KCNJ10: variants seen among roughly 807,000 people sequenced by gnomAD.
The protein encoded by KCNJ10 is potassium inwardly rectifying channel subfamily J member 10.
In KCNJ10, 9 loss-of-function variants were observed where a neutral mutation model predicts 22.2. The observed-to-expected ratio is 0.40, with a 90% CI of 0.24 to 0.71. The LOEUF (loss-of-function observed/expected upper bound fraction) is 0.71. KCNJ10 is among the 30% of genes least tolerant of loss of function. The pLI, the probability that KCNJ10 is intolerant of heterozygous loss-of-function variation, is 0.35. For synonymous variants in KCNJ10, 184 were observed against 187.3 expected (o/e 0.98, Z 0.15); for missense variants, 337 against 482.7 (o/e 0.70, Z 2.83).
chr1:160,054,718 C>A (rs1177827243), intron 1 of KCNJ10, among the ~76,000 whole-genome samples: 1 of 151,888 alleles, frequency 6.6e-6, no homozygotes, highest in Non-Finnish European at 1.5e-5. Flanking sequence ...CTGGCCTAGG[C>A]CCCGAGATTC....
chr1:160,064,061 C>G (rs1012638488), intron 1 of KCNJ10, among the ~76,000 whole-genome samples: 1 of 152,216 alleles, frequency 6.6e-6, no homozygotes, highest in Non-Finnish European at 1.5e-5. Flanking sequence ...ACCACTACCC[C>G]ATACTACCTC....
At chr1:160,065,358 G>A (rs146050974) in intron 1 of KCNJ10, among the ~76,000 whole-genome samples, 2 of 152,274 alleles carry the variant, frequency 1.3e-5, no homozygotes, top group East Asian at 3.9e-4. Context: ...GTCTTAGGAG[G>A]CAGGCCCTTT....
At chr1:160,050,377 C>A (rs1433124834) in intron 1 of KCNJ10, among the ~76,000 whole-genome samples, 1 of 151,968 alleles carries the variant, frequency 6.6e-6, no homozygotes. Flanking sequence ...AAGCCATCCT[C>A]CCACCTCAGC....
chr1:160,065,765 C>G (rs1005633332), intron 1 of KCNJ10, among the ~76,000 whole-genome samples: 3 of 152,062 alleles, frequency 2.0e-5, no homozygotes, highest in Admixed American at 6.5e-5. Flanking sequence ...AAATTTTTAT[C>G]CAATGCCAAC....
At position 160,041,406 on chromosome 1, in the gene KCNJ10, A is replaced by T; in HGVS notation, c.1127T>A (p.Ile376Asn). The T allele has an allele frequency of 6.2e-7, 1 of 1,612,900 alleles. No individual in the cohort carries two copies. Among genetic ancestry groups the T allele is most frequent in the South Asian group, 1.1e-5 (1 of 90,902 alleles). Reference protein sequence around the residue: ...EKEGSALSVRISNV With the variant: ...EKEGSALSVRNSNV The stretch of plus-strand genomic sequence containing the variant: ...GGGAACAGGTCATCAGACATTGCTG[A>T]TGCGCACACTAAGGGCACTGCCCTC... Residue 376 changes from isoleucine to asparagine, a missense_variant, in exon 2 of 2, where the codon ATC becomes AAC. This residue lies in a region of KCNJ10 where 65 missense variants were observed against 66.0 expected (regional missense o/e 0.98). Transcript: ENST00000644903. This position sits in a 1 kb window ranked among gnomAD's most constrained non-coding sequence, Gnocchi z 4.4.
intron 1 of KCNJ10, among the ~76,000 whole-genome samples, chr1:160,053,758 A>C (rs934874558): frequency 6.6e-6 from 1 of 152,106 alleles, no homozygotes; most frequent in Admixed American, 6.5e-5. Context: ...ATGGAAGAAT[A>C]GGCTTTTCTT....
intron 1 of KCNJ10, among the ~76,000 whole-genome samples, chr1:160,051,631 C>T (rs1648907357): frequency 6.6e-6 from 1 of 152,076 alleles, no homozygotes; most frequent in Non-Finnish European, 1.5e-5. Flanking sequence ...TTAGCAGGAG[C>T]CAGACAGGTA....
chr1:160,062,677 C>G (rs1478389761), intron 1 of KCNJ10: 4 of 152,174 alleles, frequency 2.6e-5, no homozygotes, highest in Admixed American at 2.6e-4. Context: ...CCCCTTGGTC[C>G]CAGGCTGGGC....
At position 160,042,299 on chromosome 1, in the gene KCNJ10, TGTGCCTGCAAAG is replaced by T; in HGVS notation, c.222_233del (p.Phe75_Thr78del). ...ACCACACCACGCCAAAGAGGAACCA[TGTGCCTGCAAAG>T]GTCGCAGAGAAGAGCAGAAGCTTGT... On this transcript the variant is annotated inframe_deletion, in exon 2 of 2. Transcript: ENST00000644903. 6.2e-7 allele frequency: 1 copy of T among 1,613,790 alleles called. No homozygotes were observed. The highest frequency in any genetic ancestry group is 2.2e-5 in the East Asian group (1 of 44,874).
At chr1:160,043,676 C>T (rs978445203) in intron 1 of KCNJ10, among the ~76,000 whole-genome samples, 3 of 152,176 alleles carry the variant, frequency 2.0e-5, no homozygotes, top group South Asian at 2.1e-4. Flanking sequence ...ATTGTTTTGA[C>T]AGAATGAAGT....
intron 1 of KCNJ10, among the ~76,000 whole-genome samples, chr1:160,050,710 G>A (rs1648881517): frequency 6.6e-6 from 1 of 152,110 alleles, no homozygotes; most frequent in Non-Finnish European, 1.5e-5. Context: ...AGGAAATAAG[G>A]ATCCATTCAT....
Position 160,041,851 on chromosome 1 carries a change from T to C in KCNJ10, c.682A>G (p.Asn228Asp). The C allele has an allele frequency of 6.2e-7, 1 of 1,614,212 alleles. No individual in the cohort carries two copies. The highest frequency in any genetic ancestry group is 1.1e-5 in the South Asian group (1 of 91,086). Reference sequence around the variant, plus strand: ...ACATTGACCTGGTTGAGCCGGATGTTCTCCCCTTCCTTGGTTTGGTGGGTC... The same window carrying C: ...ACATTGACCTGGTTGAGCCGGATGTCCTCCCCTTCCTTGGTTTGGTGGGTC... ...LQTHQTKEGE[N>D]IRLNQVNVTF... is the part of the protein sequence containing the mutation. Residue 228 changes from asparagine (N) to aspartate (D), a missense_variant, in exon 2 of 2, where the codon AAC becomes GAC. Physicochemically the swap from Asn to Asp is conservative, Grantham distance 23 (BLOSUM62 1). Around this residue, in one of 3 missense-constraint regions of KCNJ10, gnomAD observed 165 missense variants for 281.5 expected, o/e 0.59. Coordinates refer to ENST00000644903, the MANE Select transcript of KCNJ10 (RefSeq NM_002241.5). This position sits in a 1 kb window ranked among gnomAD's most constrained non-coding sequence, Gnocchi z 4.4.
chr1:160,047,214 AG>A (rs1648762456), intron 1 of KCNJ10, among the ~76,000 whole-genome samples: 1 of 152,158 alleles, frequency 6.6e-6, no homozygotes, highest in African/African-American at 2.4e-5. Context: ...GCCTTTCTTG[AG>A]TAAGGACACT....
At chr1:160,053,899 A>G (rs1648962933) in intron 1 of KCNJ10, among the ~76,000 whole-genome samples, 1 of 152,082 alleles carries the variant, frequency 6.6e-6, no homozygotes, top group African/African-American at 2.4e-5. Flanking sequence ...TCCAGTCAAG[A>G]GAGGGAGGGA....
At chr1:160,069,838 G>A (rs111738052) in intron 1 of KCNJ10, among the ~76,000 whole-genome samples, 184 bp downstream of exon 1, 1 of 152,192 alleles carries the variant, frequency 6.6e-6, no homozygotes, top group Non-Finnish European at 1.5e-5. Context: ...TCCTCGTGGG[G>A]AGCCCTTCCC....
intron 1 of KCNJ10, among the ~76,000 whole-genome samples, chr1:160,058,937 A>C (rs1041182637): frequency 9.9e-5 from 15 of 152,258 alleles, no homozygotes; most frequent in African/African-American, 3.6e-4. Context: ...TTTCTCTGGA[A>C]AGCCTTTCTG....
chr1:160,054,528 C>T (rs1296925016), intron 1 of KCNJ10, among the ~76,000 whole-genome samples: 1 of 152,206 alleles, frequency 6.6e-6, no homozygotes, highest in Non-Finnish European at 1.5e-5. Flanking sequence ...ACTCTTGTTG[C>T]TATTGTTATT....
chr1:160,049,479 A>T (rs1648824561), intron 1 of KCNJ10, among the ~76,000 whole-genome samples: 1 of 151,490 alleles, frequency 6.6e-6, no homozygotes, highest in African/African-American at 2.4e-5. Flanking sequence ...TTCAGAGTCC[A>T]GTTCAAATAA....
intron 1 of KCNJ10, among the ~76,000 whole-genome samples, chr1:160,057,951 T>C (rs1353460099): frequency 6.6e-6 from 1 of 151,818 alleles, no homozygotes; most frequent in Non-Finnish European, 1.5e-5. Context: ...GCAGAAGAGC[T>C]ACTCCCCATT....
Sources: gnomAD v4.1 joint callset for allele counts (sites outside exome capture counted in the v4.1 genomes callset) on GRCh38, gnomAD v4.1.1 for gene constraint, gnomAD v4.1.1 regional missense constraint, Gnocchi (gnomAD v3.1) non-coding constraint, MANE v1.5 for transcripts, NCBI Gene and HGNC (gene_info 2026-07-23, HGNC 2026-07-21) for gene names.